PPP1R12A: variants seen among roughly 807,000 people sequenced by gnomAD.
PPP1R12A encodes myosin binding subunit.
In PPP1R12A, 19 loss-of-function variants were observed where a neutral mutation model predicts 139.6. The ratio of observed to expected loss-of-function variants is 0.14; its 90% CI spans 0.09 to 0.20. PPP1R12A has a LOEUF of 0.20. Among genes scored for constraint, PPP1R12A ranks in the 10% least tolerant of loss-of-function variants. PPP1R12A has a pLI of 1.00. For synonymous variants in PPP1R12A, 427 were observed against 420.6 expected, an observed-to-expected ratio of 1.02 and a Z score of -0.19; for missense variants, 925 against 1,211.5, an observed-to-expected ratio of 0.76 and a Z score of 3.51.
At chr12:79,814,864 G>A (rs751002667) in intron 9 of PPP1R12A, among the ~76,000 whole-genome samples, 27 of 144,966 alleles carry the variant, frequency 1.9e-4, no homozygotes, top group Non-Finnish European at 3.5e-4. Flanking sequence ...ACACATGATC[G>A]TTTTGAATAA....
At chr12:79,856,968 A>G (rs578069350) in intron 2 of PPP1R12A, among the ~76,000 whole-genome samples, 2 of 152,336 alleles carry the variant, frequency 1.3e-5, no homozygotes, top group African/African-American at 4.8e-5. Context: ...GCCAGTTAAA[A>G]GAACTTTATC....
chr12:79,923,977 G>A (rs898026618), intron 1 of PPP1R12A, among the ~76,000 whole-genome samples: 1 of 152,118 alleles, frequency 6.6e-6, no homozygotes, highest in African/African-American at 2.4e-5. Context: ...CTGGGAGGCG[G>A]CGTTTGCAGT....
At chr12:79,821,010 A>C in intron 7 of PPP1R12A, 68 bp downstream of exon 7, 1 of 1,596,100 alleles carries the variant, frequency 6.3e-7, no homozygotes, top group Admixed American at 1.7e-5. Context: ...ATCCACAATA[A>C]TCATGCCTGT....
At chr12:79,871,749 A>C (rs1256158715) in intron 2 of PPP1R12A, among the ~76,000 whole-genome samples, 1 of 152,150 alleles carries the variant, frequency 6.6e-6, no homozygotes, top group East Asian at 1.9e-4. Context: ...AAAAGTCCAA[A>C]AAGGAAGTAA....
intron 1 of PPP1R12A, among the ~76,000 whole-genome samples, chr12:79,898,553 G>C (rs957644870): frequency 6.6e-6 from 1 of 152,176 alleles, no homozygotes; most frequent in Admixed American, 6.5e-5. Context: ...TTCCACATAA[G>C]TTTTTACAGT....
chr12:79,878,086 C>T (rs1374685793), intron 1 of PPP1R12A, among the ~76,000 whole-genome samples: 1 of 151,196 alleles, frequency 6.6e-6, no homozygotes, highest in Non-Finnish European at 1.5e-5. Flanking sequence ...TACAACACTA[C>T]AAAACTACAA....
intron 3 of PPP1R12A, among the ~76,000 whole-genome samples, chr12:79,838,267 T>A (rs1188749098): frequency 6.6e-6 from 1 of 152,098 alleles, no homozygotes; most frequent in Non-Finnish European, 1.5e-5. Context: ...ACTCTGAACT[T>A]GAGGGAGGTA....
At chr12:79,923,473 C>T (rs1237214840) in intron 1 of PPP1R12A, among the ~76,000 whole-genome samples, 1 of 152,042 alleles carries the variant, frequency 6.6e-6, no homozygotes, top group African/African-American at 2.4e-5. Context: ...AGAAATGTTT[C>T]TTAAAATACA....
intron 12 of PPP1R12A, among the ~76,000 whole-genome samples, chr12:79,806,660 C>A (rs1269561134): frequency 1.3e-5 from 2 of 152,204 alleles, no homozygotes; most frequent in African/African-American, 4.8e-5. Context: ...TTTTGTATTA[C>A]CCAGGGAAAA....
At chr12:79,884,278 AAC>A (rs1390192775) in intron 1 of PPP1R12A, among the ~76,000 whole-genome samples, 2 of 152,216 alleles carry the variant, frequency 1.3e-5, no homozygotes, top group Non-Finnish European at 2.9e-5. Flanking sequence ...CAATAAATGA[AAC>A]ACTGCTAATT....
chr12:79,904,354 G>A (rs1029323001), intron 1 of PPP1R12A, among the ~76,000 whole-genome samples: 4 of 152,094 alleles, frequency 2.6e-5, no homozygotes, highest in Admixed American at 6.5e-5. Context: ...CATTCATTCT[G>A]TATCCCCGAA....
chr12:79,816,012 C>A (rs1875338508), intron 9 of PPP1R12A, among the ~76,000 whole-genome samples: 1 of 151,524 alleles, frequency 6.6e-6, no homozygotes, highest in Non-Finnish European at 1.5e-5. Flanking sequence ...TTTATGATTT[C>A]AAAAAGATCT....
At chr12:79,797,457 TTTAGAAATAGATATA>T in intron 15 of PPP1R12A, 62 bp from the exon 16 acceptor site, 1 of 1,411,660 alleles carries the variant, frequency 7.1e-7, no homozygotes, top group Non-Finnish European at 9.5e-7. Context: ...CAAGGAATAT[TTTAGAAATAGATATA>T]TTACATACAA....
rs537322615 is a variant in PPP1R12A at position 79,817,497 on chromosome 12, G to A, written c.1136C>T (p.Ser379Phe). The A allele has an allele frequency of 6.3e-7, 1 of 1,594,582 alleles. No individual in the cohort carries two copies. Among genetic ancestry groups the A allele is most frequent in the African/African-American group, 1.3e-5 (1 of 74,758 alleles). The change falls in exon 9 of 25, where the codon TCT becomes TTT. Residue 379 changes from serine to phenylalanine, a missense_variant. Transcript: ENST00000450142. ...ACTAGAAGTGTTGGCATTAGTTACA[G>A]AAGCCAGGGGTTTTGTCTTATCTAT... ...AETDKTKPLA[S>F]VTNANTSSTQ... is the part of the protein sequence containing the mutation.
intron 1 of PPP1R12A, among the ~76,000 whole-genome samples, chr12:79,891,877 T>A (rs1592780759): frequency 6.6e-6 from 1 of 152,166 alleles, no homozygotes; most frequent in East Asian, 1.9e-4. Flanking sequence ...TGGAAGCAGA[T>A]CCCCACCCTA....
intron 14 of PPP1R12A, among the ~76,000 whole-genome samples, chr12:79,799,788 T>C (rs1332060226): frequency 2.0e-5 from 3 of 152,034 alleles, no homozygotes; most frequent in Non-Finnish European, 1.5e-5. Flanking sequence ...AGCAGGCTGA[T>C]TGCTTGAGCC....
At chr12:79,787,057 C>T (rs938950435) in intron 21 of PPP1R12A, 22 of 152,326 alleles carry the variant, frequency 1.4e-4, no homozygotes, top group African/African-American at 5.3e-4. Context: ...TTACTACTTC[C>T]ACCATAATTC....
intron 24 of PPP1R12A, chr12:79,777,648 A>C: frequency 1.0e-6 from 1 of 983,918 alleles, no homozygotes; most frequent in Non-Finnish European, 1.2e-6. Flanking sequence ...TATTTGGTGC[A>C]GGTTCTGCAG....
intron 3 of PPP1R12A, among the ~76,000 whole-genome samples, chr12:79,843,413 T>C (rs1878987590): frequency 6.6e-6 from 1 of 151,710 alleles, no homozygotes; most frequent in Non-Finnish European, 1.5e-5. Flanking sequence ...CCATCTCTAC[T>C]AAAAATACAA....
Sources: gnomAD v4.1 joint callset for allele counts (sites outside exome capture counted in the v4.1 genomes callset) on GRCh38, gnomAD v4.1.1 for gene constraint, MANE v1.5 for transcripts, NCBI Gene and HGNC (gene_info 2026-07-23, HGNC 2026-07-21) for gene names.